RALGPS1: variants seen among roughly 807,000 people sequenced by gnomAD.
RALGPS1 encodes Ral GEF with PH domain and SH3 binding motif 1, also known as ras-specific guanine nucleotide-releasing factor RalGPS1.
In RALGPS1, 19 loss-of-function variants were observed where a neutral mutation model predicts 78.8. The observed-to-expected ratio is 0.24, with a 90% CI of 0.17 to 0.35. The LOEUF (loss-of-function observed/expected upper bound fraction) is 0.35. RALGPS1 is among the 10% of genes least tolerant of loss of function. RALGPS1 has a pLI of 1.00. For missense variants in RALGPS1, 454 were observed against 688.3 expected, an observed-to-expected ratio of 0.66 and a Z score of 3.81; for synonymous variants, 228 against 256.3, an observed-to-expected ratio of 0.89 and a Z score of 1.06.
At chr9:127,129,901 A>G (rs904912664) in intron 8 of RALGPS1, among the ~76,000 whole-genome samples, 1 of 152,144 alleles carries the variant, frequency 6.6e-6, no homozygotes, top group African/African-American at 2.4e-5. Context: ...AATATTCTTC[A>G]TCTGCTCCCA....
At chr9:126,946,951 C>T (rs1178582215) in intron 1 of RALGPS1, among the ~76,000 whole-genome samples, 1 of 152,090 alleles carries the variant, frequency 6.6e-6, no homozygotes, top group Non-Finnish European at 1.5e-5. Flanking sequence ...GGAGAACCTT[C>T]GATTTCCAGA....
chr9:127,142,852 GATA>G (rs1564656591), intron 8 of RALGPS1, among the ~76,000 whole-genome samples: 1 of 152,122 alleles, frequency 6.6e-6, no homozygotes, highest in Non-Finnish European at 1.5e-5. Flanking sequence ...TTGCTACTCT[GATA>G]ATAATTAAAT....
At chr9:126,994,614 T>C (rs1236593841) in intron 4 of RALGPS1, among the ~76,000 whole-genome samples, 1 of 152,168 alleles carries the variant, frequency 6.6e-6, no homozygotes, top group Non-Finnish European at 1.5e-5. Context: ...CTGCAGGATA[T>C]TATCCAGGAG....
At position 127,218,874 on chromosome 9, in the gene RALGPS1, A is replaced by G; in HGVS notation, c.*105A>G. ...CAGGCTGTGAGCCAGGGTGCTGGGA[A>G]ACTCACAGCTGGACTCAGGGGACAC... is the stretch of plus-strand genomic sequence containing the variant. On this transcript the variant is annotated 3_prime_UTR_variant, in exon 19 of 19. Transcript: ENST00000259351. This position sits in a 1 kb window ranked among gnomAD's most constrained non-coding sequence, Gnocchi z 4.4. The G allele has an allele frequency of 7.5e-7, 1 of 1,325,202 alleles. No homozygotes were observed. Among genetic ancestry groups the G allele is most frequent in the Non-Finnish European group, 1.1e-6 (1 of 919,060 alleles). The allele number at this position is 1,325,202 out of a possible 1,614,324, so 82.1% of individuals were successfully genotyped here. A position where few individuals can be genotyped will look rare whatever the true frequency, so the allele number is the denominator to read the frequency against.
chr9:127,003,016 C>T (rs1267381113), intron 4 of RALGPS1, among the ~76,000 whole-genome samples: 5 of 152,092 alleles, frequency 3.3e-5, no homozygotes, highest in African/African-American at 9.7e-5. Flanking sequence ...CCTGAGGAAT[C>T]GCCACACTGA....
intron 1 of RALGPS1, among the ~76,000 whole-genome samples, chr9:126,938,826 A>G (rs534052767): frequency 1.3e-5 from 2 of 152,362 alleles, no homozygotes; most frequent in Admixed American, 6.5e-5. Context: ...TACCTAGGGC[A>G]TCACTGAGAT....
chr9:127,067,977 C>T (rs531665200), intron 7 of RALGPS1, among the ~76,000 whole-genome samples: 2 of 152,316 alleles, frequency 1.3e-5, no homozygotes, highest in African/African-American at 4.8e-5. Flanking sequence ...AGCCTGAGTC[C>T]TTAGCATAAA....
At chr9:126,984,382 C>T (rs1334653400) in intron 4 of RALGPS1, among the ~76,000 whole-genome samples, 1 of 152,246 alleles carries the variant, frequency 6.6e-6, no homozygotes, top group East Asian at 1.9e-4. Flanking sequence ...AGATTACAGG[C>T]ATGAGCTGCC....
At chr9:126,984,743 A>G (rs1217699845) in intron 4 of RALGPS1, among the ~76,000 whole-genome samples, 1 of 152,010 alleles carries the variant, frequency 6.6e-6, no homozygotes. Context: ...CTCATTTTTG[A>G]TCACTTCCCT....
At position 127,047,183 on chromosome 9, in the gene RALGPS1, C is replaced by T. The variant is rs75599499; in HGVS notation, c.301-2860C>T. Among the ~76,000 whole-genome samples the T allele has an allele frequency of 9.9e-5, 15 of 152,078 alleles. No individual in the cohort carries two copies. The East Asian group carries it at 2.9e-3, about 29-fold the overall frequency. On this transcript the variant is annotated intron_variant, in intron 5 of 18. Coordinates refer to ENST00000259351, the MANE Select transcript of RALGPS1 (RefSeq NM_014636.3). ...TCTGAGGACCTTAATAAAAAGTGTA[C>T]AAACATATGTATAAAGATGTTCATC...
At chr9:127,093,220 A>G (rs1589428079) in intron 8 of RALGPS1, among the ~76,000 whole-genome samples, 1 of 152,112 alleles carries the variant, frequency 6.6e-6, no homozygotes, top group African/African-American at 2.4e-5. Flanking sequence ...ACAGATGAGC[A>G]TTTCAACTCC....
intron 4 of RALGPS1, among the ~76,000 whole-genome samples, chr9:126,995,292 T>C (rs4836556): frequency 0.73 from 110,120 of 151,728 alleles, 40,192 homozygotes; most frequent in East Asian, 0.82. Context: ...ACCCATCTCA[T>C]GTGCAGAGAC....
chr9:127,173,110 G>A (rs1246748868), intron 10 of RALGPS1, among the ~76,000 whole-genome samples: 1 of 152,178 alleles, frequency 6.6e-6, no homozygotes, highest in African/African-American at 2.4e-5. Flanking sequence ...GAAGGCTCAG[G>A]CTCTGTGGAG....
chr9:127,041,169 G>A (rs1164117234), intron 5 of RALGPS1, among the ~76,000 whole-genome samples: 1 of 151,864 alleles, frequency 6.6e-6, no homozygotes, highest in Admixed American at 6.6e-5. Context: ...TCAGATCACT[G>A]CAACCTCCGC....
chr9:127,212,549 G>A lies in RALGPS1; in HGVS notation c.1354-78G>A, dbSNP rs1427906639. ...GGCCTGCACTGGCATTGATGGGATG[G>A]CTGGGTCTGTAATCGGCCAGGGATC... On this transcript the variant is annotated intron_variant, in intron 15 of 18. Transcript: ENST00000259351. This position sits in a 1 kb window ranked among gnomAD's most constrained non-coding sequence, Gnocchi z 6.0. 6.8e-6 allele frequency: 7 copies of A among 1,034,586 alleles called. No individual in the cohort carries two copies. The East Asian group carries it at 1.2e-4, about 18-fold the overall frequency. The allele number at this position is 1,034,586 out of a possible 1,614,324, so 64.1% of individuals were successfully genotyped here.
intron 4 of RALGPS1, among the ~76,000 whole-genome samples, chr9:127,002,690 TGTG>T (rs1564398500): frequency 6.7e-6 from 1 of 149,340 alleles, no homozygotes; most frequent in African/African-American, 2.5e-5. Context: ...AGCGAGAATA[TGTG>T]GTGTTTGGTT....
At chr9:127,170,081 C>A (rs141217769) in intron 10 of RALGPS1, among the ~76,000 whole-genome samples, 17 of 152,288 alleles carry the variant, frequency 1.1e-4, no homozygotes, top group African/African-American at 4.1e-4. Context: ...TTTATCTCTT[C>A]CAGTTTTGTG....
At position 127,108,647 on chromosome 9, in the gene RALGPS1, C is replaced by T. The variant is rs748726765; in HGVS notation, c.610+39291C>T. 62 of 1,613,552 alleles carry T rather than the reference C, an allele frequency of 3.8e-5. No individual in the cohort carries two copies. The highest frequency in any genetic ancestry group is 4.7e-5 in the Non-Finnish European group (56 of 1,179,966). ...TCTCTTGGCGAGCCCTCCTCAGTGC[C>T]CTCAAAACCGTCCTCCTGGCCTGCA... is the stretch of plus-strand genomic sequence containing the variant. On this transcript the variant is annotated intron_variant, in intron 8 of 18. Coordinates refer to ENST00000259351, the MANE Select transcript of RALGPS1 (RefSeq NM_014636.3).
At chr9:127,159,267 G>A (rs1205812418) in intron 8 of RALGPS1, among the ~76,000 whole-genome samples, 3 of 152,180 alleles carry the variant, frequency 2.0e-5, no homozygotes, top group Non-Finnish European at 4.4e-5. Context: ...CTTTGTGCCT[G>A]TACATTACCA....
Sources: gnomAD v4.1 joint callset for allele counts (sites outside exome capture counted in the v4.1 genomes callset) on GRCh38, gnomAD v4.1.1 for gene constraint, Gnocchi (gnomAD v3.1) non-coding constraint, MANE v1.5 for transcripts, NCBI Gene and HGNC (gene_info 2026-07-23, HGNC 2026-07-21) for gene names.